PVALB: variants seen among roughly 807,000 people sequenced by gnomAD.
PVALB encodes parvalbumin alpha.
A neutral mutation model predicts 10.9 loss-of-function variants in PVALB; 11 were observed. That is an observed-to-expected ratio of 1.01 (90% CI 0.63 to 1.67). The LOEUF is 1.67. PVALB is among the 40% of genes most tolerant of loss of function. The pLI, the probability that PVALB is intolerant of heterozygous loss-of-function variation, is 0.00. For missense variants in PVALB, 131 were observed against 136.2 expected (o/e 0.96, Z 0.19); for synonymous variants, 57 against 50.7 (o/e 1.12, Z -0.53).
chr22:36,806,907 G>C (rs1938958506), intron 3 of PVALB, among the ~76,000 whole-genome samples: 1 of 152,124 alleles, frequency 6.6e-6, no homozygotes, highest in Non-Finnish European at 1.5e-5. Flanking sequence ...TCAAAGGTTG[G>C]AGTTAAATGG....
chr22:36,812,194 G>C (rs73884021), intron 3 of PVALB, among the ~76,000 whole-genome samples: 2,438 of 152,318 alleles, frequency 0.016, 72 homozygotes, highest in African/African-American at 0.056. Flanking sequence ...GAACGTAGGT[G>C]TGCAGAGGTG....
At chr22:36,816,814 C>T in intron 1 of PVALB, 131 bp downstream of exon 1, 1 of 733,406 alleles carries the variant, frequency 1.4e-6, no homozygotes, top group Non-Finnish European at 2.1e-6. Flanking sequence ...GCCCCGACCT[C>T]GCCGGCGCCC....
intron 1 of PVALB, among the ~76,000 whole-genome samples, chr22:36,816,045 T>TTG (rs549412942): frequency 0.032 from 4,302 of 134,152 alleles, 84 homozygotes; most frequent in Middle Eastern, 0.071. Context: ...ATCATGTATT[T>TTG]TGTGTGTGTG....
intron 2 of PVALB, 124 bp downstream of exon 2, chr22:36,814,979 G>A: frequency 1.5e-6 from 2 of 1,312,280 alleles, no homozygotes; most frequent in East Asian, 5.0e-5. Context: ...TTCACGCACG[G>A]TTACTTTCTG....
intron 3 of PVALB, among the ~76,000 whole-genome samples, chr22:36,803,862 G>A (rs1322685744): frequency 2.0e-5 from 3 of 152,130 alleles, no homozygotes; most frequent in Non-Finnish European, 4.4e-5. Flanking sequence ...GAGGTGTCAG[G>A]GTCATGTGGA....
upstream of PVALB, among the ~76,000 whole-genome samples, chr22:36,817,978 G>T (rs1006773992): frequency 6.6e-6 from 1 of 152,060 alleles, no homozygotes; most frequent in African/African-American, 2.4e-5. Context: ...GTAGGGGTCT[G>T]AACTTCACCT....
In PVALB at chr22:36,813,832, C is replaced by T. The variant is rs188754095; in HGVS notation, c.195-77G>A. 3.6e-3 allele frequency: 4,074 copies of T among 1,128,566 alleles called. 25 individuals are homozygous for T. The highest frequency in any genetic ancestry group is 3.5e-3 in the Non-Finnish European group (2,623 of 740,236). 69.9% of individuals were successfully genotyped at this position (1,128,566 alleles called of 1,614,324 possible). On this transcript the variant is annotated intron_variant, in intron 2 of 3. Transcript: ENST00000417718. ...TGCAGGACGCTGGATGGAGGGTGGTCTGGTTTCTGTATGGGGAAAGGGATG... is the reference window on the plus strand; with the variant it reads ...TGCAGGACGCTGGATGGAGGGTGGTTTGGTTTCTGTATGGGGAAAGGGATG...
intron 2 of PVALB, among the ~76,000 whole-genome samples, chr22:36,814,546 G>C (rs1939105100): frequency 6.6e-6 from 1 of 152,078 alleles, no homozygotes; most frequent in African/African-American, 2.4e-5. Flanking sequence ...GGGAATTATG[G>C]TGGGAGATGC....
intron 3 of PVALB, among the ~76,000 whole-genome samples, chr22:36,806,282 A>G (rs1333166256): frequency 1.3e-5 from 2 of 152,124 alleles, no homozygotes; most frequent in African/African-American, 4.8e-5. Context: ...TCATTGTCCA[A>G]CCAGAAAGCG....
chr22:36,815,297 A>G (rs1301598735), intron 1 of PVALB, 62 bp from the exon 2 acceptor site: 20 of 1,593,562 alleles, frequency 1.3e-5, no homozygotes, highest in South Asian at 3.3e-5. Flanking sequence ...GCCTGGGAGA[A>G]TGGGGGGCAT....
At chr22:36,812,514 G>A (rs1285554411) in intron 3 of PVALB, among the ~76,000 whole-genome samples, 2 of 152,186 alleles carry the variant, frequency 1.3e-5, no homozygotes, top group Non-Finnish European at 2.9e-5. Context: ...ACTGTTCTAG[G>A]CACTTTACAT....
chr22:36,808,491 C>T (rs1035116931), intron 3 of PVALB, among the ~76,000 whole-genome samples: 20 of 152,182 alleles, frequency 1.3e-4, no homozygotes, highest in Admixed American at 1.1e-3. Context: ...CACGATGCCT[C>T]AGTTTCTCCA....
chr22:36,814,110 A>G (rs557476084), intron 2 of PVALB, among the ~76,000 whole-genome samples: 123 of 152,274 alleles, frequency 8.1e-4, no homozygotes, highest in Admixed American at 4.9e-3. Flanking sequence ...ACTGGAAAAA[A>G]TAAGGAGGTC....
At chr22:36,814,056 G>A (rs1458762784) in intron 2 of PVALB, among the ~76,000 whole-genome samples, 2 of 152,180 alleles carry the variant, frequency 1.3e-5, no homozygotes, top group African/African-American at 4.8e-5. Flanking sequence ...TCTGTGTCTG[G>A]CGTATGCTGG....
intron 1 of PVALB, 43 bp downstream of exon 1, chr22:36,816,902 T>C: frequency 1.3e-6 from 2 of 1,541,346 alleles, no homozygotes; most frequent in South Asian, 1.2e-5. Context: ...GCGCGGGCGG[T>C]GGACGAGGGG....
At chr22:36,801,405 G>A (rs1190917558) in intron 3 of PVALB, among the ~76,000 whole-genome samples, 1 of 152,232 alleles carries the variant, frequency 6.6e-6, no homozygotes. Context: ...GAGAGGACAA[G>A]GAGTTTGCTG....
chr22:36,806,880 C>T lies in PVALB; in HGVS notation c.305-5962G>A, dbSNP rs112015635. 8.8e-3 allele frequency among the ~76,000 whole-genome samples: 1,343 copies of T among 152,232 alleles called. 23 individuals are homozygous for T. The highest frequency in any genetic ancestry group is 0.03 in the African/African-American group (1,245 of 41,512). ...AGATTCTAACAGGCGTGGCTGGGGC[C>T]AGGGTGCGTCTCTTCCTCAAAGGTT... On this transcript the variant is annotated intron_variant, in intron 3 of 3. Coordinates refer to ENST00000417718, the MANE Select transcript of PVALB (RefSeq NM_001315532.2).
chr22:36,817,891 C>T (rs1939172679), upstream of PVALB, among the ~76,000 whole-genome samples: 1 of 151,950 alleles, frequency 6.6e-6, no homozygotes, highest in Non-Finnish European at 1.5e-5. Context: ...TGCTATGCTC[C>T]CTCCCAGAAA....
intron 3 of PVALB, among the ~76,000 whole-genome samples, chr22:36,809,998 C>T (rs1939021202): frequency 6.6e-6 from 1 of 152,036 alleles, no homozygotes; most frequent in African/African-American, 2.4e-5. Flanking sequence ...GATTCTCCTG[C>T]CTCAGCCTCT....
Sources: gnomAD v4.1 joint callset for allele counts (sites outside exome capture counted in the v4.1 genomes callset) on GRCh38, gnomAD v4.1.1 for gene constraint, MANE v1.5 for transcripts, NCBI Gene and HGNC (gene_info 2026-07-23, HGNC 2026-07-21) for gene names.